Variants in FER observed in about 807,000 individuals in gnomAD.
The protein encoded by FER is tyrosine-protein kinase Fer.
FER carries 63 observed loss-of-function variants against 111.0 expected under a neutral mutation model. The observed-to-expected ratio is 0.57, with a 90% CI of 0.46 to 0.70. The LOEUF (loss-of-function observed/expected upper bound fraction) is 0.70, where lower values mean the gene tolerates loss of function less well. Ranked by LOEUF, FER falls within the 30% of genes least tolerant of loss-of-function variation. The pLI is 0.00. For missense variants in FER, 914 were observed against 954.0 expected (o/e 0.96, Z 0.55); for synonymous variants, 327 against 313.9 (o/e 1.04, Z -0.44).
Position 108,931,945 on chromosome 5 carries a change from T to A in FER, c.1237-14185T>A, listed in dbSNP as rs181613220. Among the ~76,000 whole-genome samples the A allele has an allele frequency of 5.2e-4, 79 of 152,162 alleles. 1 individual carries two copies. The highest frequency in any genetic ancestry group is 1.9e-3 in the African/African-American group (78 of 41,468). On this transcript the variant is annotated intron_variant, in intron 10 of 19. Transcript: ENST00000281092. ...TATAGGAGGTAGAGGCCCTCCATCC[T>A]TCCAATATCTTAAATTTTGTGTGTG...
At chr5:108,999,760 A>G (rs1302437357) in intron 13 of FER, among the ~76,000 whole-genome samples, 2 of 147,810 alleles carry the variant, frequency 1.4e-5, no homozygotes, top group African/African-American at 5.0e-5. Context: ...TTACTAGATT[A>G]GATTATATTT....
At chr5:109,023,975 C>T (rs1396548646) in intron 13 of FER, among the ~76,000 whole-genome samples, 2 of 152,072 alleles carry the variant, frequency 1.3e-5, no homozygotes, top group African/African-American at 4.8e-5. Context: ...TGACTGAGTA[C>T]TTTATTAAGA....
chr5:108,993,790 C>G (rs1015954406), intron 13 of FER, among the ~76,000 whole-genome samples: 1 of 152,204 alleles, frequency 6.6e-6, no homozygotes, highest in African/African-American at 2.4e-5. Context: ...TTGCCAGCAT[C>G]TGTTGTGTCT....
chr5:109,181,728 A>C (rs949084088), intron 18 of FER, among the ~76,000 whole-genome samples: 9 of 152,342 alleles, frequency 5.9e-5, no homozygotes, highest in African/African-American at 1.9e-4. Context: ...CCCAAATTAG[A>C]GAAAGCTTTT....
At chr5:108,764,788 C>G (rs1214939547) in intron 1 of FER, among the ~76,000 whole-genome samples, 1 of 152,004 alleles carries the variant, frequency 6.6e-6, no homozygotes, top group Non-Finnish European at 1.5e-5. Context: ...TTTTGAAAAA[C>G]TAAGGGGATA....
intron 16 of FER, among the ~76,000 whole-genome samples, chr5:109,047,533 T>C (rs1243381808): frequency 4.6e-5 from 7 of 152,162 alleles, no homozygotes; most frequent in Non-Finnish European, 1.0e-4. Context: ...TATCTTATAT[T>C]TAGTTCACTG....
intron 10 of FER, among the ~76,000 whole-genome samples, chr5:108,918,940 A>G (rs1752646672): frequency 6.6e-6 from 1 of 152,246 alleles, no homozygotes; most frequent in South Asian, 2.1e-4. Context: ...GTTTGAGGCT[A>G]GATCTGTAAA....
intron 17 of FER, among the ~76,000 whole-genome samples, chr5:109,153,311 G>A (rs1755047817): frequency 6.6e-6 from 1 of 151,680 alleles, no homozygotes; most frequent in African/African-American, 2.4e-5. Context: ...TACATCTTCT[G>A]GTTGTACATA....
intron 5 of FER, among the ~76,000 whole-genome samples, chr5:108,862,672 G>A (rs1004684187): frequency 6.6e-6 from 1 of 152,108 alleles, no homozygotes; most frequent in Admixed American, 6.6e-5. Context: ...CATGGTAACT[G>A]CCTGTTTTGT....
At chr5:109,184,688 A>G (rs1294061906) in intron 18 of FER, among the ~76,000 whole-genome samples, 4 of 152,226 alleles carry the variant, frequency 2.6e-5, no homozygotes, top group Non-Finnish European at 5.9e-5. Flanking sequence ...TGATAGGCAG[A>G]CAAGAAAATT....
At chr5:109,120,384 C>G (rs1004437156) in intron 17 of FER, among the ~76,000 whole-genome samples, 1 of 151,832 alleles carries the variant, frequency 6.6e-6, no homozygotes, top group African/African-American at 2.4e-5. Flanking sequence ...TGTATGCTCT[C>G]TCTGTCAAAA....
intron 16 of FER, among the ~76,000 whole-genome samples, chr5:109,050,991 C>A (rs949384957): frequency 6.6e-6 from 1 of 152,156 alleles, no homozygotes; most frequent in Admixed American, 6.5e-5. Flanking sequence ...ATACCCAGAA[C>A]CATTCTTAGG....
chr5:108,869,337 C>G (rs373609133), intron 6 of FER, among the ~76,000 whole-genome samples: 88 of 152,238 alleles, frequency 5.8e-4, no homozygotes, highest in African/African-American at 2.0e-3. Flanking sequence ...GAACTTGAAG[C>G]TTGAGTCTTC....
intron 16 of FER, among the ~76,000 whole-genome samples, chr5:109,048,154 G>A (rs1772266516): frequency 6.6e-6 from 1 of 151,736 alleles, no homozygotes; most frequent in East Asian, 1.9e-4. Context: ...TAATATTGTA[G>A]ACTGCTCATT....
At chr5:109,035,801 C>G (rs946595652) in intron 13 of FER, among the ~76,000 whole-genome samples, 1 of 152,228 alleles carries the variant, frequency 6.6e-6, no homozygotes, top group African/African-American at 2.4e-5. Context: ...AGTTGCTCCA[C>G]ACCCTCACAA....
chr5:108,959,829 C>G (rs1409353292), intron 13 of FER, among the ~76,000 whole-genome samples: 2 of 152,026 alleles, frequency 1.3e-5, no homozygotes, highest in African/African-American at 4.8e-5. Context: ...CTATGTGGAG[C>G]AAGGTGGTTG....
intron 5 of FER, among the ~76,000 whole-genome samples, chr5:108,843,152 G>A (rs1250020848): frequency 6.6e-6 from 1 of 152,170 alleles, no homozygotes; most frequent in Non-Finnish European, 1.5e-5. Context: ...CCACACATCA[G>A]TGAGAACATA....
intron 13 of FER, among the ~76,000 whole-genome samples, chr5:109,018,491 G>A (rs1561781003): frequency 1.3e-5 from 2 of 151,752 alleles, no homozygotes; most frequent in Non-Finnish European, 1.5e-5. Context: ...ACAATTTTCT[G>A]TGTGGTTTGG....
chr5:108,905,586 G>T (rs1232573100), intron 10 of FER, among the ~76,000 whole-genome samples: 2 of 152,100 alleles, frequency 1.3e-5, no homozygotes, highest in African/African-American at 4.8e-5. Context: ...ATGTAATGGG[G>T]TTTTTTGGGA....
Sources: gnomAD v4.1 joint callset for allele counts (sites outside exome capture counted in the v4.1 genomes callset) on GRCh38, gnomAD v4.1.1 for gene constraint, MANE v1.5 for transcripts, NCBI Gene and HGNC (gene_info 2026-07-23, HGNC 2026-07-21) for gene names.